Variants in CCDC80 observed in about 807,000 individuals in gnomAD.
The protein encoded by CCDC80 is coiled-coil domain containing 80.
In CCDC80, 49 loss-of-function variants were observed where a neutral mutation model predicts 78.7. The observed-to-expected ratio is 0.62, with a 90% CI of 0.50 to 0.79. CCDC80 has a LOEUF of 0.79. CCDC80 is among the 30% of genes least tolerant of loss of function. CCDC80 has a pLI of 0.00. For missense variants in CCDC80, 1,205 were observed against 1,198.6 expected (o/e 1.01, Z -0.08); for synonymous variants, 488 against 447.0 (o/e 1.09, Z -1.16).
At position 112,638,794 on chromosome 3, in the gene CCDC80, A is replaced by G. The variant is rs200657012; in HGVS notation, c.1112T>C (p.Val371Ala). Residue 371 changes from valine (V) to alanine (A), a missense_variant, in exon 2 of 8, where the codon GTT becomes GCT. Coordinates refer to ENST00000206423, the MANE Select transcript of CCDC80 (RefSeq NM_199511.3). The part of the protein sequence containing the change: ...VTRSTSRAVT[V>A]AARPMTTTAF... Reference sequence around the variant, plus strand: ...AGTGGTGGTCATAGGTCTTGCAGCAACTGTTACCGCCCGGGACGTGGACCG... The same window carrying G: ...AGTGGTGGTCATAGGTCTTGCAGCAGCTGTTACCGCCCGGGACGTGGACCG... The G allele has an allele frequency of 2.5e-6, 4 of 1,613,472 alleles. No homozygotes were observed. The highest frequency in any genetic ancestry group is 1.1e-5 in the South Asian group (1 of 91,038).
chr3:112,634,370 C>T (rs1936164164), intron 2 of CCDC80, among the ~76,000 whole-genome samples: 1 of 152,124 alleles, frequency 6.6e-6, no homozygotes, highest in African/African-American at 2.4e-5. Context: ...CATTTGAGGT[C>T]CCTTGTTAAT....
intron 3 of CCDC80, among the ~76,000 whole-genome samples, chr3:112,629,904 T>C (rs1157875623): frequency 6.6e-6 from 1 of 152,152 alleles, no homozygotes; most frequent in African/African-American, 2.4e-5. Context: ...GTTTGCGTAT[T>C]TTTCTTTTTT....
In CCDC80 at chr3:112,638,383, T is replaced by C; in HGVS notation, c.1523A>G (p.Glu508Gly). ...QDKILSNEYE[E>G]KYDLSRPTAS... Reference sequence around the variant, plus strand: ...AGTAGGCCGGCTGAGGTCATACTTCTCCTCATACTCATTACTAAGAATTTT... The same window carrying C: ...AGTAGGCCGGCTGAGGTCATACTTCCCCTCATACTCATTACTAAGAATTTT... The change falls in exon 2 of 8, where the codon GAG (glutamate) becomes GGG (glycine). Residue 508 changes from glutamate to glycine, a missense_variant. Physicochemically the swap from Glu to Gly is moderately conservative, Grantham distance 98 (BLOSUM62 -2). Coordinates refer to ENST00000206423, the MANE Select transcript of CCDC80 (RefSeq NM_199511.3). 6.2e-7 allele frequency: 1 copy of C among 1,613,960 alleles called. No individual in the cohort carries two copies. Among genetic ancestry groups the C allele is most frequent in the Non-Finnish European group, 8.5e-7 (1 of 1,180,006 alleles).
rs1385682605 is a variant in CCDC80, at chr3:112,605,504, A to G, written c.2766T>C (p.Gly922=). 1 of 1,614,146 alleles carries G rather than the reference A, an allele frequency of 6.2e-7. No homozygotes were observed. The highest frequency in any genetic ancestry group is 1.1e-5 in the South Asian group (1 of 91,076). The change falls in exon 8 of 8, where the codon GGT becomes GGC. Residue 922 remains glycine (G), a synonymous_variant. Transcript: ENST00000206423. Reference sequence around the variant, plus strand: ...GGTATCCTTGGTGGTAACTATGGTAACCATAGCCTGCATACTCATCTTCTG... The same window carrying G: ...GGTATCCTTGGTGGTAACTATGGTAGCCATAGCCTGCATACTCATCTTCTG... ...RCPEDEYAGY[G]YHSYHQGYQD... is the part of the protein sequence containing the mutation.
chr3:112,623,266 C>A (rs9833212), intron 3 of CCDC80, among the ~76,000 whole-genome samples: 62,074 of 152,122 alleles, frequency 0.41, 15,154 homozygotes, highest in Non-Finnish European at 0.54. Context: ...TCACTATAGA[C>A]AGCAATGACA....
At chr3:112,622,178 G>C (rs771815635) in intron 3 of CCDC80, among the ~76,000 whole-genome samples, 3 of 152,122 alleles carry the variant, frequency 2.0e-5, no homozygotes, top group Non-Finnish European at 4.4e-5. Context: ...CAAGATTAAA[G>C]GCAAACTTTG....
At position 112,600,750 on chromosome 3, in the gene CCDC80, C is replaced by T. The variant is rs1935359855; in HGVS notation, c.*4667G>A. On this transcript the variant is annotated 3_prime_UTR_variant, in exon 8 of 8. Transcript: ENST00000206423. ...AAGTCCTGGGCTCAAGCGACCCGCT[C>T]ACCTTGGCCTCCCAAAGTGCTGGGA... is the stretch of plus-strand genomic sequence containing the variant. 3 of 152,278 alleles carry T rather than the reference C, an allele frequency of 2.0e-5. No homozygotes were observed. The highest frequency in any genetic ancestry group is 3.2e-3 in the Middle Eastern group (1 of 316). The allele number at this position is 152,278 out of a possible 1,614,324, so 9.4% of individuals were successfully genotyped here.
chr3:112,636,456 C>T (rs954860033), intron 2 of CCDC80, among the ~76,000 whole-genome samples: 1 of 152,132 alleles, frequency 6.6e-6, no homozygotes, highest in Non-Finnish European at 1.5e-5. Flanking sequence ...TAGAATCAAC[C>T]AGAGCTAGGT....
At chr3:112,637,902 C>T in intron 2 of CCDC80, 126 bp downstream of exon 2, 1 of 1,448,468 alleles carries the variant, frequency 6.9e-7, no homozygotes, top group South Asian at 1.5e-5. Context: ...TTCTGAGCTT[C>T]TTGACACAGT....
At position 112,639,743 on chromosome 3, in the gene CCDC80, T is replaced by G. The variant is rs778208304; in HGVS notation, c.163A>C (p.Thr55Pro). 3 of 1,614,114 alleles carry G rather than the reference T, an allele frequency of 1.9e-6. No homozygotes were observed. Among genetic ancestry groups the G allele is most frequent in the Non-Finnish European group, 2.5e-6 (3 of 1,180,016 alleles). Reference sequence around the variant, plus strand: ...CTCTCAATTCCGCGAGACCTCCCAGTGTGCCTCAGAAACCGAGCTGGCCTA... The same window carrying G: ...CTCTCAATTCCGCGAGACCTCCCAGGGTGCCTCAGAAACCGAGCTGGCCTA... ...SSRPARFLRH[T>P]GRSRGIERST... Residue 55 changes from threonine to proline, a missense_variant, in exon 2 of 8, where the codon ACT becomes CCT. Transcript: ENST00000206423.
In CCDC80 at chr3:112,605,267, G is replaced by A. The variant is rs958898127; in HGVS notation, c.*150C>T. Reference sequence around the variant, plus strand: ...AGGTTTCAATAATAACTCATGAATAGGTGAAAGTTTGCTATTTATTTAGTC... The same window carrying A: ...AGGTTTCAATAATAACTCATGAATAAGTGAAAGTTTGCTATTTATTTAGTC... On this transcript the variant is annotated 3_prime_UTR_variant, in exon 8 of 8. Coordinates refer to ENST00000206423, the MANE Select transcript of CCDC80 (RefSeq NM_199511.3). 3 of 573,886 alleles carry A rather than the reference G, an allele frequency of 5.2e-6. No individual in the cohort carries two copies. Among genetic ancestry groups the A allele is most frequent in the African/African-American group, 3.7e-5 (2 of 53,430 alleles). 35.5% of individuals were successfully genotyped at this position (573,886 alleles called of 1,614,324 possible).
intron 2 of CCDC80, among the ~76,000 whole-genome samples, chr3:112,634,952 G>A (rs1936176501): frequency 6.6e-6 from 1 of 152,108 alleles, no homozygotes; most frequent in African/African-American, 2.4e-5. Flanking sequence ...ATTCCTTGAG[G>A]GATTGTTTTG....
intron 5 of CCDC80, 131 bp downstream of exon 5, chr3:112,616,579 T>C (rs1348552835): frequency 1.0e-6 from 1 of 988,044 alleles, no homozygotes; most frequent in Non-Finnish European, 1.5e-6. Context: ...TGGCCAGAGA[T>C]GGGTAGGTTT....
chr3:112,638,622 C>G lies in CCDC80; in HGVS notation c.1284G>C (p.Gln428His). Residue 428 changes from glutamine (Q) to histidine (H), a missense_variant, in exon 2 of 8, where the codon CAG becomes CAC. Physicochemically the swap from Gln to His is conservative, Grantham distance 24. Coordinates refer to ENST00000206423, the MANE Select transcript of CCDC80 (RefSeq NM_199511.3). ...TGGCCTTGCTGGGCCTCCTGGTTGT[C>G]TGTGGCCTCTCCCTGTGCTGATCCT... Reference protein sequence around the residue: ...SRKDQHRERPQTTRRPSKATS... With the variant: ...SRKDQHRERPHTTRRPSKATS... The G allele has an allele frequency of 6.2e-7, 1 of 1,614,030 alleles. No individual in the cohort carries two copies. Among genetic ancestry groups the G allele is most frequent in the African/African-American group, 1.3e-5 (1 of 74,958 alleles).
rs1935365924 is a variant in CCDC80 at position 112,601,118 on chromosome 3, G to C, written c.*4299C>G. The stretch of plus-strand genomic sequence containing the variant: ...AGTCACTTGAGCTTTCTGGAGCTCA[G>C]TTACCTGTAAAACAAGGAAGAATGA... On this transcript the variant is annotated 3_prime_UTR_variant, in exon 8 of 8. Coordinates refer to ENST00000206423, the MANE Select transcript of CCDC80 (RefSeq NM_199511.3). 6.6e-6 allele frequency: 1 copy of C among 152,142 alleles called. No homozygotes were observed. The highest frequency in any genetic ancestry group is 2.4e-5 in the African/African-American group (1 of 41,426). 9.4% of individuals were successfully genotyped at this position (152,142 alleles called of 1,614,324 possible). A position where few individuals can be genotyped will look rare whatever the true frequency, so the allele number is the denominator to read the frequency against.
intron 5 of CCDC80, among the ~76,000 whole-genome samples, chr3:112,614,916 T>C (rs1357259501): frequency 6.6e-6 from 1 of 152,190 alleles, no homozygotes; most frequent in East Asian, 1.9e-4. Context: ...AACATGACAA[T>C]AGTCACAGTA....
chr3:112,614,823 C>G (rs1380420824), intron 5 of CCDC80, among the ~76,000 whole-genome samples: 1 of 152,070 alleles, frequency 6.6e-6, no homozygotes, highest in Non-Finnish European at 1.5e-5. Context: ...TCAGATTGTC[C>G]CAGGGTACTT....
At chr3:112,635,740 A>C (rs932588573) in intron 2 of CCDC80, among the ~76,000 whole-genome samples, 1 of 152,334 alleles carries the variant, frequency 6.6e-6, no homozygotes, top group Non-Finnish European at 1.5e-5. Context: ...TCACTAGGCC[A>C]AAGAACCAAC....
intron 2 of CCDC80, among the ~76,000 whole-genome samples, chr3:112,633,763 C>T (rs919040934): frequency 6.6e-6 from 1 of 152,210 alleles, no homozygotes; most frequent in Non-Finnish European, 1.5e-5. Flanking sequence ...GACTCTTTCC[C>T]TATGTTTTGA....
Sources: allele counts gnomAD v4.1 joint callset (sites outside exome capture counted in the v4.1 genomes callset), GRCh38; gene constraint gnomAD v4.1.1; transcripts MANE v1.5; gene names NCBI Gene and HGNC (gene_info 2026-07-23, HGNC 2026-07-21).